APOLD1: variants seen among roughly 807,000 people sequenced by gnomAD.
APOLD1 encodes the protein apolipoprotein L domain-containing protein 1.
In APOLD1, 22 loss-of-function variants were observed where a neutral mutation model predicts 15.3. The ratio of observed to expected loss-of-function variants is 1.44; its 90% CI spans 1.03 to 2.05. The LOEUF is 2.05. Among genes scored for constraint, APOLD1 ranks in the 30% most tolerant of loss-of-function variants. APOLD1 has a pLI of 0.00. For synonymous variants in APOLD1, 190 were observed against 167.4 expected, an observed-to-expected ratio of 1.13 and a Z score of -1.04; for missense variants, 394 against 353.5, an observed-to-expected ratio of 1.11 and a Z score of -0.92.
chr12:12,735,328 T>G (rs1753842753), intron 1 of APOLD1, among the ~76,000 whole-genome samples: 1 of 152,120 alleles, frequency 6.6e-6, no homozygotes, highest in Admixed American at 6.6e-5. Flanking sequence ...TGTAAGAGTT[T>G]GAAACAGGGG....
At chr12:12,784,007 A>C (rs542591095), upstream of APOLD1, among the ~76,000 whole-genome samples, 1 of 152,148 alleles carries the variant, frequency 6.6e-6, no homozygotes, top group South Asian at 2.1e-4. Context: ...TTGCCTCCAT[A>C]AAGAGGCAAA....
At chr12:12,771,097 A>G (rs1946983818) in intron 1 of APOLD1, among the ~76,000 whole-genome samples, 1 of 152,374 alleles carries the variant, frequency 6.6e-6, no homozygotes, top group African/African-American at 2.4e-5. Context: ...AAATAGTAAA[A>G]GAATTTCCTT....
intron 1 of APOLD1, among the ~76,000 whole-genome samples, chr12:12,756,535 C>G (rs1048723553): frequency 2.0e-5 from 3 of 152,118 alleles, no homozygotes; most frequent in African/African-American, 7.2e-5. Context: ...GTAAACATAA[C>G]ATAAATTTAT....
In APOLD1 at chr12:12,790,238, T is replaced by G. The variant is rs947284047; in HGVS notation, c.*2586T>G. The G allele has an allele frequency of 6.6e-6, 1 of 152,108 alleles. No individual in the cohort carries two copies. Among genetic ancestry groups the G allele is most frequent in the African/African-American group, 2.4e-5 (1 of 41,418 alleles). The allele number at this position is 152,108 out of a possible 1,614,324, so 9.4% of individuals were successfully genotyped here. On this transcript the variant is annotated 3_prime_UTR_variant, in exon 2 of 2. Coordinates refer to ENST00000356591, the MANE Select transcript of APOLD1 (RefSeq NM_030817.3). ...CAGGCTGGTCTTGAACTCCTGGCCT[T>G]ATGTGATCCGCCCACCTTGGCTTCC...
rs577749103 is a variant in APOLD1, at chr12:12,789,731, T to C, written c.*2079T>C. 1 of 152,328 alleles carries C rather than the reference T, an allele frequency of 6.6e-6. No homozygotes were observed. The highest frequency in any genetic ancestry group is 6.5e-5 in the Admixed American group (1 of 15,300). The allele number at this position is 152,328 out of a possible 1,614,324, so 9.4% of individuals were successfully genotyped here. A position where few individuals can be genotyped will look rare whatever the true frequency, so the allele number is the denominator to read the frequency against. ...TGTTGAAAAATAAGTTGAAAAGTCT[T>C]TGGGACCATACATGCAAAAACGGTG... On this transcript the variant is annotated 3_prime_UTR_variant, in exon 2 of 2. Transcript: ENST00000356591.
chr12:12,736,813 G>T (rs1427208590), intron 1 of APOLD1, among the ~76,000 whole-genome samples: 1 of 152,194 alleles, frequency 6.6e-6, no homozygotes, highest in South Asian at 2.1e-4. Flanking sequence ...GTCACAAGTG[G>T]TATATCTGAG....
intron 1 of APOLD1, among the ~76,000 whole-genome samples, chr12:12,768,430 C>T (rs1049749969): frequency 9.9e-5 from 15 of 151,806 alleles, no homozygotes; most frequent in Admixed American, 3.9e-4. Context: ...TCCAGGAGTT[C>T]GAGACCAGAC....
At chr12:12,757,011 T>TGACCTTAGGTGATCCACCCG in intron 1 of APOLD1, among the ~76,000 whole-genome samples, 1 of 152,322 alleles carries the variant, frequency 6.6e-6, no homozygotes, top group East Asian at 1.9e-4. Flanking sequence ...AGTCTCAAAC[T>TGACCTTAGGTGATCCACCCG]CCTGACCTTA....
chr12:12,746,855 C>G (rs1946770731), intron 1 of APOLD1, among the ~76,000 whole-genome samples: 1 of 152,034 alleles, frequency 6.6e-6, no homozygotes, highest in Non-Finnish European at 1.5e-5. Context: ...TGTGTGTACC[C>G]AATGTTTAGC....
At chr12:12,749,505 A>G (rs992695116) in intron 1 of APOLD1, among the ~76,000 whole-genome samples, 2 of 152,204 alleles carry the variant, frequency 1.3e-5, no homozygotes, top group African/African-American at 4.8e-5. Context: ...GATTGCAGGC[A>G]GAGTCTTAGT....
chr12:12,743,552 T>G (rs899020338), intron 1 of APOLD1, among the ~76,000 whole-genome samples: 2 of 152,124 alleles, frequency 1.3e-5, no homozygotes, highest in African/African-American at 4.8e-5. Flanking sequence ...TGTCCCTGCT[T>G]TGTTTTCTCC....
chr12:12,787,418 C>T lies in APOLD1; in HGVS notation c.513C>T (p.Val171=). 6.2e-7 allele frequency: 1 copy of T among 1,614,188 alleles called. No individual in the cohort carries two copies. Residue 171 remains valine (V), a synonymous_variant, in exon 2 of 2, where the codon GTC becomes GTT. Coordinates refer to ENST00000356591, the MANE Select transcript of APOLD1 (RefSeq NM_030817.3). This position sits in a 1 kb window ranked among gnomAD's most constrained non-coding sequence, Gnocchi z 4.9. The stretch of plus-strand genomic sequence containing the variant: ...TGTACAATTCTGTCTACTTCATCGT[C>T]TTCTTTGGCTCACGTGGCTTCCTCA... ...IALYNSVYFI[V]FFGSRGFLIP...
chr12:12,752,915 G>A (rs1228037920), intron 1 of APOLD1, among the ~76,000 whole-genome samples: 3 of 152,138 alleles, frequency 2.0e-5, no homozygotes, highest in African/African-American at 4.8e-5. Context: ...CCAGGTAATA[G>A]TGATGAGTGG....
intron 1 of APOLD1, among the ~76,000 whole-genome samples, chr12:12,766,564 C>T (rs1946943812): frequency 6.6e-6 from 1 of 152,148 alleles, no homozygotes; most frequent in Non-Finnish European, 1.5e-5. Flanking sequence ...TCAGCTGGGG[C>T]CAGACAGGGT....
At chr12:12,745,622 A>G (rs1287302072) in intron 1 of APOLD1, among the ~76,000 whole-genome samples, 1 of 152,132 alleles carries the variant, frequency 6.6e-6, no homozygotes. Flanking sequence ...TTTAATGGAA[A>G]GCTTCCTATA....
At chr12:12,726,321 TAAAAC>T (rs1406932725) in intron 1 of APOLD1, 8 of 637,632 alleles carry the variant, frequency 1.3e-5, no homozygotes, top group Non-Finnish European at 2.0e-5. Context: ...AGGAATATGT[TAAAAC>T]AAACTCAAGA....
rs1299577590 is a variant in APOLD1, at chr12:12,785,720, A to G, written c.3+26A>G. ...GTAAGTGGGGAACCCTGAGGCATATATTCGGGATGACTTTTTCTCATTTTC... is the reference window on the plus strand; with the variant it reads ...GTAAGTGGGGAACCCTGAGGCATATGTTCGGGATGACTTTTTCTCATTTTC... On this transcript the variant is annotated intron_variant, in intron 1 of 1. Transcript: ENST00000356591. The G allele has an allele frequency of 2.5e-6, 4 of 1,604,888 alleles. No homozygotes were observed. The African/African-American group carries it at 4.0e-5, about 16-fold the overall frequency.
At chr12:12,748,496 C>T (rs911937706) in intron 1 of APOLD1, among the ~76,000 whole-genome samples, 23 of 152,160 alleles carry the variant, frequency 1.5e-4, no homozygotes, top group Admixed American at 3.3e-4. Context: ...TTTTTAAAAC[C>T]GATACATAAT....
intron 1 of APOLD1, among the ~76,000 whole-genome samples, chr12:12,776,003 CAAA>C (rs34623976): frequency 0.015 from 921 of 62,134 alleles, 4 homozygotes; most frequent in African/African-American, 0.046. Flanking sequence ...GACCCAGTCT[CAAA>C]AAAAAAAAAA....
Sources: gnomAD v4.1 joint callset for allele counts (sites outside exome capture counted in the v4.1 genomes callset) on GRCh38, gnomAD v4.1.1 for gene constraint, Gnocchi (gnomAD v3.1) non-coding constraint, MANE v1.5 for transcripts, NCBI Gene and HGNC (gene_info 2026-07-23, HGNC 2026-07-21) for gene names.